The following ROBO2 variants were observed in gnomAD, a reference collection of about 807,000 sequenced individuals.
ROBO2 encodes the protein roundabout homolog 2.
ROBO2 carries 53 observed loss-of-function variants against 160.8 expected under a neutral mutation model. That is an observed-to-expected ratio of 0.33 (90% confidence interval 0.26 to 0.41). ROBO2 has a LOEUF of 0.41. Ranked by LOEUF, ROBO2 falls within the 10% of genes least tolerant of loss-of-function variation. The pLI is 1.00. For synonymous variants in ROBO2, 664 were observed against 611.7 expected, an observed-to-expected ratio of 1.09 and a Z score of -1.26; for missense variants, 1,577 against 1,722.4, an observed-to-expected ratio of 0.92 and a Z score of 1.49.
chr3:77,583,480 A>G (rs1262494983), intron 16 of ROBO2, among the ~76,000 whole-genome samples: 3 of 151,992 alleles, frequency 2.0e-5, no homozygotes, highest in African/African-American at 7.2e-5. Flanking sequence ...TGGTCATTTC[A>G]TATATTACAC....
intron 2 of ROBO2, among the ~76,000 whole-genome samples, chr3:76,429,525 C>T (rs755498548): frequency 4.6e-5 from 7 of 152,110 alleles, no homozygotes; most frequent in Non-Finnish European, 1.0e-4. Context: ...TAATATGGAA[C>T]AGTTTGGCAT....
intron 2 of ROBO2, among the ~76,000 whole-genome samples, chr3:76,680,712 A>C (rs2092538352): frequency 6.6e-6 from 1 of 152,118 alleles, no homozygotes; most frequent in Non-Finnish European, 1.5e-5. Context: ...AAATATCACA[A>C]ATTTAAAAAA....
chr3:76,567,823 TGG>T (rs1316410266), intron 2 of ROBO2, among the ~76,000 whole-genome samples: 7 of 119,504 alleles, frequency 5.9e-5, no homozygotes, highest in Admixed American at 9.3e-5. Flanking sequence ...TTTTTTTTTT[TGG>T]GGGGGGTTGG....
At chr3:77,525,238 GT>G (rs144170880) in intron 6 of ROBO2, among the ~76,000 whole-genome samples, 1,570 of 134,150 alleles carry the variant, frequency 0.012, 8 homozygotes, top group Non-Finnish European at 0.014. Flanking sequence ...TCCACCTGCT[GT>G]TTTTTTTTTT....
intron 2 of ROBO2, among the ~76,000 whole-genome samples, chr3:77,129,823 G>C (rs1044487178): frequency 3.9e-5 from 6 of 152,102 alleles, no homozygotes; most frequent in African/African-American, 1.4e-4. Flanking sequence ...CCACCAAAGA[G>C]TGACCATGAC....
At chr3:76,726,321 C>T (rs771531327) in intron 2 of ROBO2, among the ~76,000 whole-genome samples, 8 of 151,930 alleles carry the variant, frequency 5.3e-5, no homozygotes, top group East Asian at 1.9e-4. Flanking sequence ...TTTCAGAAAT[C>T]GTTAATTATT....
intron 2 of ROBO2, among the ~76,000 whole-genome samples, chr3:76,845,005 G>A (rs912265748): frequency 6.6e-6 from 1 of 151,746 alleles, no homozygotes; most frequent in Non-Finnish European, 1.5e-5. Context: ...TTTCAGCCTG[G>A]GCCTTATCTG....
chr3:75,929,743 G>A (rs1053894966), intron 1 of ROBO2, among the ~76,000 whole-genome samples: 1 of 151,878 alleles, frequency 6.6e-6, no homozygotes, highest in African/African-American at 2.4e-5. Context: ...CACCCAGGCT[G>A]GAGTATAATG....
chr3:77,548,453 G>A (rs927240711), intron 7 of ROBO2, among the ~76,000 whole-genome samples: 2 of 151,942 alleles, frequency 1.3e-5, no homozygotes, highest in Non-Finnish European at 2.9e-5. Context: ...ATTATAATGT[G>A]ACTTGTTATT....
At chr3:77,458,403 C>G (rs1411385081) in intron 2 of ROBO2, among the ~76,000 whole-genome samples, 3 of 152,078 alleles carry the variant, frequency 2.0e-5, no homozygotes, top group Non-Finnish European at 2.9e-5. Flanking sequence ...AAGATTGAGG[C>G]TGGCTAGAAG....
chr3:76,593,423 A>G (rs73129201), intron 2 of ROBO2, among the ~76,000 whole-genome samples: 2,555 of 152,178 alleles, frequency 0.017, 39 homozygotes, highest in Non-Finnish European at 0.028. Context: ...AGGTGCCAGG[A>G]TCTTGATGGC....
intron 2 of ROBO2, among the ~76,000 whole-genome samples, chr3:76,242,707 G>A (rs186490393): frequency 6.6e-6 from 1 of 152,084 alleles, no homozygotes; most frequent in Non-Finnish European, 1.5e-5. Flanking sequence ...GCAACATAGT[G>A]AGACCCTGTC....
chr3:77,421,317 A>G (rs1560787073), intron 2 of ROBO2, among the ~76,000 whole-genome samples: 1 of 152,164 alleles, frequency 6.6e-6, no homozygotes. Context: ...TTACATCACG[A>G]CAAATATCCA....
chr3:76,530,171 A>C (rs2082150111), intron 2 of ROBO2, among the ~76,000 whole-genome samples: 1 of 152,180 alleles, frequency 6.6e-6, no homozygotes, highest in African/African-American at 2.4e-5. Flanking sequence ...CCGCTTACCC[A>C]GCGTGTACAC....
At chr3:76,624,796 C>CAAAAAAAAAAAAAAAAAAAAAAAAA (rs57920315) in intron 2 of ROBO2, among the ~76,000 whole-genome samples, 4 of 46,324 alleles carry the variant, frequency 8.6e-5, no homozygotes, top group Non-Finnish European at 1.0e-4. Flanking sequence ...GACTCCGTCT[C>CAAAAAAAAAAAAAAAAAAAAAAAAA]AAAAAAAAAA....
At chr3:77,529,910 A>G (rs144745040) in intron 6 of ROBO2, among the ~76,000 whole-genome samples, 1 of 151,994 alleles carries the variant, frequency 6.6e-6, no homozygotes, top group African/African-American at 2.4e-5. Flanking sequence ...GAAGACACAT[A>G]ATAAGGCAAT....
intron 2 of ROBO2, among the ~76,000 whole-genome samples, chr3:76,797,233 TATC>T (rs2063768697): frequency 6.6e-6 from 1 of 152,066 alleles, no homozygotes; most frequent in African/African-American, 2.4e-5. Flanking sequence ...AAAAACATGA[TATC>T]ATATCAAGAT....
chr3:76,403,308 T>C (rs1001890546), intron 2 of ROBO2, among the ~76,000 whole-genome samples: 11 of 151,644 alleles, frequency 7.3e-5, no homozygotes, highest in African/African-American at 2.4e-4. Flanking sequence ...TAATTTATAA[T>C]TCAGCAAAAT....
intron 2 of ROBO2, among the ~76,000 whole-genome samples, chr3:77,192,824 T>C (rs1371843251): frequency 1.3e-5 from 2 of 151,696 alleles, no homozygotes; most frequent in East Asian, 3.9e-4. Flanking sequence ...TTTTGTATTT[T>C]TGTATTTTAA....
Sources: allele counts gnomAD v4.1 joint callset (sites outside exome capture counted in the v4.1 genomes callset), GRCh38; gene constraint gnomAD v4.1.1; transcripts MANE v1.5; gene names NCBI Gene and HGNC (gene_info 2026-07-23, HGNC 2026-07-21).